The following LMCD1 variants were observed in gnomAD, a reference collection of about 807,000 sequenced individuals.
LMCD1 encodes LIM and cysteine-rich domains protein 1.
LMCD1 carries 32 observed loss-of-function variants against 42.7 expected under a neutral mutation model. The observed-to-expected ratio is 0.75, with a 90% CI of 0.57 to 1.01. The LOEUF is 1.01. Among genes scored for constraint, LMCD1 ranks in the 50% least tolerant of loss-of-function variants. The pLI is 0.00. For missense variants in LMCD1, 458 were observed against 483.1 expected (o/e 0.95, Z 0.49); for synonymous variants, 178 against 184.9 (o/e 0.96, Z 0.30).
At chr3:8,562,312 C>T (rs1695053785) in intron 4 of LMCD1, among the ~76,000 whole-genome samples, 1 of 152,164 alleles carries the variant, frequency 6.6e-6, no homozygotes. Context: ...AGCTGCTTCT[C>T]ACCTCTAGCC....
intron 1 of LMCD1, among the ~76,000 whole-genome samples, chr3:8,516,279 C>G (rs1694098252): frequency 6.6e-6 from 1 of 152,090 alleles, no homozygotes; most frequent in Admixed American, 6.6e-5. Context: ...AGGCTTGGCC[C>G]TCCTGAGAGA....
chr3:8,546,518 C>A (rs1694738063), intron 3 of LMCD1, among the ~76,000 whole-genome samples: 1 of 152,180 alleles, frequency 6.6e-6, no homozygotes, highest in South Asian at 2.1e-4. Context: ...ACAGTCACAC[C>A]GCCGGCATGC....
chr3:8,532,284 A>G (rs1694425829), intron 1 of LMCD1, among the ~76,000 whole-genome samples: 1 of 152,244 alleles, frequency 6.6e-6, no homozygotes, highest in South Asian at 2.1e-4. Context: ...GGCAAAATGC[A>G]CATTTGTTTG....
intron 3 of LMCD1, among the ~76,000 whole-genome samples, chr3:8,545,203 G>A (rs1008535590): frequency 6.6e-6 from 1 of 152,130 alleles, no homozygotes; most frequent in Non-Finnish European, 1.5e-5. Flanking sequence ...CTAAGAAAAA[G>A]CGATTTTAGA....
intron 3 of LMCD1, among the ~76,000 whole-genome samples, chr3:8,546,158 AAG>A (rs1164641068): frequency 6.6e-6 from 1 of 152,102 alleles, no homozygotes; most frequent in Non-Finnish European, 1.5e-5. Flanking sequence ...AACAAAAAAA[AAG>A]AGAAAGTCAG....
rs112494097 is a variant in LMCD1 at position 8,505,276 on chromosome 3, A to C, written c.42+3296A>C. Among the ~76,000 whole-genome samples, 919 of 152,334 alleles carry C rather than the reference A, an allele frequency of 6.0e-3. 11 individuals carry two copies. The highest frequency in any genetic ancestry group is 0.01 in the South Asian group (49 of 4,830). On this transcript the variant is annotated intron_variant, in intron 1 of 5. Coordinates refer to ENST00000157600, the MANE Select transcript of LMCD1 (RefSeq NM_014583.4). ...CTTTGACAAGCTAAGACAATGACCAAATGCTGTTGCCTTCATTCTCACCCA... is the reference window on the plus strand; with the variant it reads ...CTTTGACAAGCTAAGACAATGACCACATGCTGTTGCCTTCATTCTCACCCA...
intron 2 of LMCD1, among the ~76,000 whole-genome samples, chr3:8,535,268 T>C (rs1297650768): frequency 6.6e-6 from 1 of 152,240 alleles, no homozygotes; most frequent in Admixed American, 6.5e-5. Flanking sequence ...GAGAATATTA[T>C]TGATTGTGAA....
At chr3:8,560,020 G>T (rs1447148340) in intron 4 of LMCD1, among the ~76,000 whole-genome samples, 1 of 152,180 alleles carries the variant, frequency 6.6e-6, no homozygotes, top group Non-Finnish European at 1.5e-5. Flanking sequence ...CAAGCTCTGT[G>T]AACAAGAATT....
At chr3:8,560,734 T>C (rs1002867510) in intron 4 of LMCD1, among the ~76,000 whole-genome samples, 3 of 152,202 alleles carry the variant, frequency 2.0e-5, no homozygotes, top group African/African-American at 7.2e-5. Context: ...ATTTTTTGTC[T>C]AGACCCCCTG....
At chr3:8,544,851 A>C (rs186408263) in intron 3 of LMCD1, among the ~76,000 whole-genome samples, 30 of 152,332 alleles carry the variant, frequency 2.0e-4, no homozygotes, top group African/African-American at 6.0e-4. Flanking sequence ...GTTCAGAGTC[A>C]GGGTCAGGCA....
At chr3:8,518,898 C>T (rs116612090) in intron 1 of LMCD1, among the ~76,000 whole-genome samples, 281 of 152,250 alleles carry the variant, frequency 1.8e-3, no homozygotes, top group African/African-American at 6.4e-3. Flanking sequence ...CTCTTTCCTT[C>T]TAACTCCCCT....
intron 1 of LMCD1, among the ~76,000 whole-genome samples, chr3:8,506,297 G>A (rs918134993): frequency 3.3e-5 from 5 of 152,162 alleles, no homozygotes; most frequent in Non-Finnish European, 7.3e-5. Context: ...CCTACGAGTT[G>A]GAAAGTGGAA....
intron 1 of LMCD1, among the ~76,000 whole-genome samples, chr3:8,523,648 A>G (rs1408792455): frequency 6.6e-6 from 1 of 152,270 alleles, no homozygotes; most frequent in African/African-American, 2.4e-5. Flanking sequence ...AAGGATAAAC[A>G]TGGAGCAGCG....
At chr3:8,562,555 A>C (rs1695058763) in intron 4 of LMCD1, among the ~76,000 whole-genome samples, 1 of 152,036 alleles carries the variant, frequency 6.6e-6, no homozygotes, top group Non-Finnish European at 1.5e-5. Context: ...AAATGAGTGC[A>C]TTTCCTGTGT....
Position 8,573,667 on chromosome 3 carries a change from G to A in LMCD1, c.*6069G>A, listed in dbSNP as rs535995871. On this transcript the variant is annotated 3_prime_UTR_variant, in exon 6 of 6. Transcript: ENST00000157600. ...ATTTGCCTTAGGTCAGATTCTACTA[G>A]TTTAAAGCAAAACGATCTCCTGGTC... 6.6e-6 allele frequency: 1 copy of A among 152,308 alleles called. No individual in the cohort carries two copies. Among genetic ancestry groups the A allele is most frequent in the African/African-American group, 2.4e-5 (1 of 41,568 alleles). The allele number at this position is 152,308 out of a possible 1,614,324, so 9.4% of individuals were successfully genotyped here.
At chr3:8,547,154 G>A (rs1031419773) in intron 3 of LMCD1, among the ~76,000 whole-genome samples, 2 of 152,248 alleles carry the variant, frequency 1.3e-5, no homozygotes, top group South Asian at 4.1e-4. Flanking sequence ...ATTATTATTA[G>A]CAAGTAGACA....
At chr3:8,506,314 C>A (rs1246715584) in intron 1 of LMCD1, among the ~76,000 whole-genome samples, 1 of 152,170 alleles carries the variant, frequency 6.6e-6, no homozygotes, top group Non-Finnish European at 1.5e-5. Context: ...GGAAAAATGA[C>A]TTTGGCATTC....
intron 4 of LMCD1, among the ~76,000 whole-genome samples, chr3:8,564,639 C>A (rs924847794): frequency 7.2e-5 from 11 of 152,138 alleles, no homozygotes; most frequent in African/African-American, 2.7e-4. Context: ...ATTCAAAGTG[C>A]AAGGTAAACA....
In LMCD1 at chr3:8,532,534, AC is replaced by A. The variant is rs1347690986; in HGVS notation, c.43-202del. ...TTATTGGGAAGAGCCCCACCCTTCC[AC>A]AATTGCCTACCCTCTGGCCCCATTC... On this transcript the variant is annotated intron_variant, in intron 1 of 5. Transcript: ENST00000157600. 4.6e-5 allele frequency among the ~76,000 whole-genome samples: 7 copies of A among 152,114 alleles called. No homozygotes were observed. The East Asian group carries it at 1.3e-3, about 29-fold the overall frequency.
Sources: gnomAD v4.1 joint callset for allele counts (sites outside exome capture counted in the v4.1 genomes callset) on GRCh38, gnomAD v4.1.1 for gene constraint, MANE v1.5 for transcripts, NCBI Gene and HGNC (gene_info 2026-07-23, HGNC 2026-07-21) for gene names.